PKIA: variants seen among roughly 807,000 people sequenced by gnomAD.
The protein encoded by PKIA is PKI-alpha.
In PKIA, 4 loss-of-function variants were observed where a neutral mutation model predicts 7.6. The ratio of observed to expected loss-of-function variants is 0.52; its 90% confidence interval spans 0.26 to 1.20. PKIA has a LOEUF of 1.20. Ranked by LOEUF, PKIA falls within the 50% of genes most tolerant of loss-of-function variation. PKIA has a pLI of 0.13. For missense variants in PKIA, 73 were observed against 86.2 expected (o/e 0.85, Z 0.61); for synonymous variants, 21 against 30.7 (o/e 0.68, Z 1.04).
chr8:78,550,198 G>A (rs1806948797), intron 1 of PKIA, among the ~76,000 whole-genome samples: 1 of 152,060 alleles, frequency 6.6e-6, no homozygotes, highest in Non-Finnish European at 1.5e-5. Flanking sequence ...AAATACTGGA[G>A]GATATTAGGG....
rs1483408372 is a variant in PKIA at position 78,524,202 on chromosome 8, TTATATATATATAAACATTTA to T, written c.-157+7738_-157+7757del. Among the ~76,000 whole-genome samples, 5 of 121,130 alleles carry T rather than the reference TTATATATATATAAACATTTA, an allele frequency of 4.1e-5. No homozygotes were observed. The East Asian group carries it at 1.0e-3, about 24-fold the overall frequency. 79.5% of individuals were successfully genotyped at this position (121,130 alleles called of 152,430 possible). On this transcript the variant is annotated intron_variant, in intron 1 of 3. Transcript: ENST00000396418. ...TATATTTATATATAAACATTTATAT[TTATATATATATAAACATTTA>T]TATTTATATATAAATATATATGTTT...
intron 1 of PKIA, among the ~76,000 whole-genome samples, chr8:78,565,477 A>T (rs1807382705): frequency 6.6e-6 from 1 of 151,922 alleles, no homozygotes; most frequent in Non-Finnish European, 1.5e-5. Flanking sequence ...TAAAATTTGG[A>T]CTCAACTTCT....
chr8:78,561,137 A>G (rs1210596311), intron 1 of PKIA, among the ~76,000 whole-genome samples: 2 of 152,122 alleles, frequency 1.3e-5, no homozygotes, highest in Non-Finnish European at 2.9e-5. Context: ...CCTTCCTCTG[A>G]GATAGGGGGC....
intron 2 of PKIA, among the ~76,000 whole-genome samples, chr8:78,597,592 C>G (rs548980292): frequency 2.0e-5 from 3 of 152,064 alleles, no homozygotes; most frequent in South Asian, 4.1e-4. Context: ...GCACCCCCCA[C>G]CTGATCTCAA....
chr8:78,597,288 T>C (rs1210539369), intron 2 of PKIA, among the ~76,000 whole-genome samples: 3 of 152,214 alleles, frequency 2.0e-5, no homozygotes, highest in African/African-American at 4.8e-5. Flanking sequence ...ATTTTAATGA[T>C]AGAAATGAAA....
Position 78,602,411 on chromosome 8 carries a change from T to G in PKIA, c.*590T>G, listed in dbSNP as rs576780237. 1 of 152,602 alleles carries G rather than the reference T, an allele frequency of 6.6e-6. No individual in the cohort carries two copies. Among genetic ancestry groups the G allele is most frequent in the Admixed American group, 6.6e-5 (1 of 15,234 alleles). The allele number at this position is 152,602 out of a possible 1,614,324, so 9.5% of individuals were successfully genotyped here. ...TTACTGTGAATTTTTATACCACTCA[T>G]TTTTAAAAGGGCTGTCTTTTCATTT... On this transcript the variant is annotated 3_prime_UTR_variant, in exon 4 of 4. Coordinates refer to ENST00000396418, the MANE Select transcript of PKIA (RefSeq NM_006823.4).
intron 2 of PKIA, among the ~76,000 whole-genome samples, chr8:78,577,662 A>G (rs1807706849): frequency 6.6e-6 from 1 of 152,004 alleles, no homozygotes; most frequent in African/African-American, 2.4e-5. Flanking sequence ...ACTTTGTAGT[A>G]AGGTTCATTC....
chr8:78,592,845 G>T (rs1197597117), intron 2 of PKIA, among the ~76,000 whole-genome samples: 4 of 152,042 alleles, frequency 2.6e-5, no homozygotes, highest in Non-Finnish European at 5.9e-5. Flanking sequence ...ACTATTTTCA[G>T]CAAGGAGAAT....
intron 2 of PKIA, among the ~76,000 whole-genome samples, chr8:78,583,656 A>G (rs1807874582): frequency 6.6e-6 from 1 of 152,096 alleles, no homozygotes; most frequent in South Asian, 2.1e-4. Context: ...TAAGTCTAAA[A>G]ACACATTTTA....
chr8:78,581,947 T>G (rs181899437), intron 2 of PKIA, among the ~76,000 whole-genome samples: 1 of 152,206 alleles, frequency 6.6e-6, no homozygotes, highest in Non-Finnish European at 1.5e-5. Flanking sequence ...TCAAATGGCT[T>G]GAGAAATAAG....
At chr8:78,528,067 T>C (rs1806291842) in intron 1 of PKIA, among the ~76,000 whole-genome samples, 1 of 152,092 alleles carries the variant, frequency 6.6e-6, no homozygotes, top group South Asian at 2.1e-4. Context: ...TTCAGTTCTT[T>C]TTCTATACTT....
At chr8:78,544,239 C>A (rs773580871) in intron 1 of PKIA, among the ~76,000 whole-genome samples, 1 of 152,182 alleles carries the variant, frequency 6.6e-6, no homozygotes, top group Non-Finnish European at 1.5e-5. Flanking sequence ...TCTTCTAACA[C>A]TTAACTTTAA....
intron 1 of PKIA, among the ~76,000 whole-genome samples, chr8:78,550,954 T>A (rs1585890137): frequency 1.3e-5 from 2 of 152,222 alleles, no homozygotes; most frequent in South Asian, 2.1e-4. Flanking sequence ...ATTGCCAATG[T>A]CACAGATTTT....
At chr8:78,587,017 T>C (rs1807964506) in intron 2 of PKIA, among the ~76,000 whole-genome samples, 1 of 152,220 alleles carries the variant, frequency 6.6e-6, no homozygotes, top group African/African-American at 2.4e-5. Flanking sequence ...AGCTGTTTTG[T>C]TATTCTTATG....
At chr8:78,565,069 G>A (rs147722825) in intron 1 of PKIA, among the ~76,000 whole-genome samples, 39 of 151,584 alleles carry the variant, frequency 2.6e-4, no homozygotes, top group African/African-American at 6.5e-4. Flanking sequence ...TGATTATTAC[G>A]TCTTACATTT....
chr8:78,545,217 C>A lies in PKIA; in HGVS notation c.-156-27594C>A, dbSNP rs186441646. Reference sequence around the variant, plus strand: ...TTAGTAATGCTTTTGTTTTTCCAACCCCAGTCTTTGGAGAAAATGTTGGGA... The same window carrying A: ...TTAGTAATGCTTTTGTTTTTCCAACACCAGTCTTTGGAGAAAATGTTGGGA... On this transcript the variant is annotated intron_variant, in intron 1 of 3. Transcript: ENST00000396418. Among the ~76,000 whole-genome samples the A allele has an allele frequency of 2.4e-4, 36 of 151,922 alleles. 1 individual carries two copies. The East Asian group carries it at 6.8e-3, about 29-fold the overall frequency.
intron 2 of PKIA, among the ~76,000 whole-genome samples, chr8:78,596,567 G>T (rs1808230392): frequency 1.3e-5 from 2 of 152,078 alleles, no homozygotes; most frequent in South Asian, 4.1e-4. Context: ...CTGGATATTA[G>T]AATTTTGTCA....
intron 2 of PKIA, among the ~76,000 whole-genome samples, chr8:78,574,289 T>C (rs1324478051): frequency 6.6e-6 from 1 of 152,042 alleles, no homozygotes; most frequent in Non-Finnish European, 1.5e-5. Context: ...TCTTCTCTTC[T>C]AGCTATGTTG....
chr8:78,549,340 T>C lies in PKIA; in HGVS notation c.-156-23471T>C, dbSNP rs148689368. ...AAGCTAGAGTAGCAGATATGCACAC[T>C]AAAAGGCAAAAATCTGGTTTTACAA... On this transcript the variant is annotated intron_variant, in intron 1 of 3. Coordinates refer to ENST00000396418, the MANE Select transcript of PKIA (RefSeq NM_006823.4). 2.6e-4 allele frequency among the ~76,000 whole-genome samples: 40 copies of C among 152,136 alleles called. No individual in the cohort carries two copies. In the East Asian group the frequency reaches 6.8e-3, roughly 26 times the overall value.
Sources: allele counts gnomAD v4.1 joint callset (sites outside exome capture counted in the v4.1 genomes callset), GRCh38; gene constraint gnomAD v4.1.1; transcripts MANE v1.5; gene names NCBI Gene and HGNC (gene_info 2026-07-23, HGNC 2026-07-21).